The following RPL26L1 variants were observed in gnomAD, a reference collection of about 807,000 sequenced individuals.
RPL26L1 encodes ribosomal protein L26 like 1.
Under a neutral mutation model 15.2 loss-of-function variants are expected in RPL26L1, and 8 were observed. The observed-to-expected ratio is 0.53, with a 90% CI of 0.31 to 0.95. The LOEUF (loss-of-function observed/expected upper bound fraction) is 0.95. Ranked by LOEUF, RPL26L1 falls within the 40% of genes least tolerant of loss-of-function variation. The pLI, the probability that RPL26L1 is intolerant of heterozygous loss-of-function variation, is 0.05. For missense variants in RPL26L1, 146 were observed against 190.9 expected (o/e 0.76, Z 1.39); for synonymous variants, 51 against 65.9 (o/e 0.77, Z 1.09).
chr5:172,969,041 C>T (rs376230137), intron 3 of RPL26L1, among the ~76,000 whole-genome samples: 6 of 151,806 alleles, frequency 4.0e-5, no homozygotes, highest in South Asian at 2.1e-4. Context: ...CTCCTGACCT[C>T]GTGATCCGCC....
intron 2 of RPL26L1, among the ~76,000 whole-genome samples, chr5:172,962,682 G>A (rs900960501): frequency 4.0e-5 from 6 of 151,660 alleles, no homozygotes; most frequent in Non-Finnish European, 8.8e-5. Context: ...TGAGCGTGGT[G>A]GTGGGCGCCT....
intron 2 of RPL26L1, among the ~76,000 whole-genome samples, chr5:172,967,753 TATATATAC>T (rs1158039729): frequency 1.1e-4 from 17 of 151,388 alleles, no homozygotes; most frequent in African/African-American, 3.9e-4. Flanking sequence ...AATGTGTGTG[TATATATAC>T]ATATATACAC....
chr5:172,958,545 C>G, upstream of RPL26L1: 1 of 400,986 alleles, frequency 2.5e-6, no homozygotes, highest in South Asian at 1.7e-5. Context: ...CGAAGAGAGT[C>G]GAGACCCAGA....
chr5:172,959,285 C>A, upstream of RPL26L1: 1 of 749,888 alleles, frequency 1.3e-6, no homozygotes, highest in Non-Finnish European at 1.6e-6. Context: ...GGCCCTTGTA[C>A]TCACTGGCAT....
In RPL26L1 at chr5:172,962,255, C is replaced by T. The variant is rs189287756; in HGVS notation, c.168+2214C>T. 1.3e-3 allele frequency among the ~76,000 whole-genome samples: 197 copies of T among 152,304 alleles called. 1 individual carries two copies. The highest frequency in any genetic ancestry group is 1.7e-3 in the Non-Finnish European group (119 of 68,028). On this transcript the variant is annotated intron_variant, in intron 2 of 3. Coordinates refer to ENST00000265100, the MANE Select transcript of RPL26L1 (RefSeq NM_016093.4). The stretch of plus-strand genomic sequence containing the variant: ...GGCATGATGGCTCACGCCTGTAATC[C>T]TAGCAGTTTGGGAGGCCCAGGCGGG...
At chr5:172,959,702 A>G in intron 1 of RPL26L1, 163 bp from the exon 2 acceptor site, 2 of 1,082,238 alleles carry the variant, frequency 1.8e-6, no homozygotes, top group Non-Finnish European at 2.6e-6. Flanking sequence ...ACTTTATGTG[A>G]TAGTCAGACT....
intron 2 of RPL26L1, among the ~76,000 whole-genome samples, chr5:172,964,432 C>T (rs1190130605): frequency 6.6e-5 from 10 of 151,934 alleles, no homozygotes; most frequent in Non-Finnish European, 1.2e-4. Context: ...ATTACAGGCA[C>T]ACACCACCAT....
chr5:172,959,252 C>A, upstream of RPL26L1: 1 of 371,846 alleles, frequency 2.7e-6, no homozygotes, highest in Non-Finnish European at 3.7e-6. Flanking sequence ...CAGTAAGCCT[C>A]TACCGCAGGC....
At chr5:172,962,087 T>C (rs1026726325) in intron 2 of RPL26L1, among the ~76,000 whole-genome samples, 8 of 152,380 alleles carry the variant, frequency 5.3e-5, no homozygotes, top group African/African-American at 1.2e-4. Context: ...CAAGGCTTGT[T>C]GATTCTACCT....
At chr5:172,969,299 G>A in intron 3 of RPL26L1, 114 bp from the exon 4 acceptor site, 1 of 1,091,758 alleles carries the variant, frequency 9.2e-7, no homozygotes, top group Non-Finnish European at 1.3e-6. Context: ...TCCTTCCAGA[G>A]TTTCAGTTCC....
upstream of RPL26L1, chr5:172,957,631 A>G (rs997092375): frequency 4.1e-6 from 1 of 242,802 alleles, no homozygotes; most frequent in Non-Finnish European, 8.3e-6. Flanking sequence ...GAGTGAATGA[A>G]TGAGTGAATG....
Position 172,959,480 on chromosome 5 carries a change from C to T in RPL26L1, c.-10+12C>T. On this transcript the variant is annotated intron_variant, in intron 1 of 3. Coordinates refer to ENST00000265100, the MANE Select transcript of RPL26L1 (RefSeq NM_016093.4). ...CAGCTAGTAGCCGGGTGAGTGGAGGCTGGAGTTTTCTCGGACAGTGAACTC... is the reference window on the plus strand; with the variant it reads ...CAGCTAGTAGCCGGGTGAGTGGAGGTTGGAGTTTTCTCGGACAGTGAACTC... The T allele has an allele frequency of 9.8e-7, 1 of 1,024,234 alleles. No homozygotes were observed. Among genetic ancestry groups the T allele is most frequent in the South Asian group, 3.6e-5 (1 of 27,766 alleles). The allele number at this position is 1,024,234 out of a possible 1,614,324, so 63.4% of individuals were successfully genotyped here. A position where few individuals can be genotyped will look rare whatever the true frequency, so the allele number is the denominator to read the frequency against.
intron 2 of RPL26L1, among the ~76,000 whole-genome samples, chr5:172,963,437 A>T (rs911395827): frequency 5.9e-5 from 9 of 151,410 alleles, no homozygotes; most frequent in African/African-American, 1.9e-4. Context: ...ATCCTGGTCT[A>T]CTTCTCCATC....
intron 1 of RPL26L1, 93 bp from the exon 2 acceptor site, chr5:172,959,772 C>CT: frequency 7.1e-7 from 1 of 1,409,048 alleles, no homozygotes; most frequent in Non-Finnish European, 9.9e-7. Flanking sequence ...CCTGTAGAGC[C>CT]TTTGTTGGGG....
At position 172,959,443 on chromosome 5, in the gene RPL26L1, C is replaced by G; in HGVS notation, c.-35C>G. 3.0e-6 allele frequency: 3 copies of G among 1,001,272 alleles called. No individual in the cohort carries two copies. Among genetic ancestry groups the G allele is most frequent in the Non-Finnish European group, 3.6e-6 (3 of 837,364 alleles). 62.0% of individuals were successfully genotyped at this position (1,001,272 alleles called of 1,614,324 possible). A position where few individuals can be genotyped will look rare whatever the true frequency, so the allele number is the denominator to read the frequency against. ...AAACTCACTTCCGGCCCTGCGCACTCAGGGTCTGAGGCAGCTAGTAGCCGG... is the reference window on the plus strand; with the variant it reads ...AAACTCACTTCCGGCCCTGCGCACTGAGGGTCTGAGGCAGCTAGTAGCCGG... On this transcript the variant is annotated 5_prime_UTR_variant, in exon 1 of 4. Coordinates refer to ENST00000265100, the MANE Select transcript of RPL26L1 (RefSeq NM_016093.4).
upstream of RPL26L1, chr5:172,958,393 G>A (rs1434697956): frequency 2.2e-6 from 1 of 456,202 alleles, no homozygotes; most frequent in East Asian, 7.0e-5. Flanking sequence ...TGCTGTACTT[G>A]CAAGACATCT....
At chr5:172,956,675 C>T (rs1754986884), upstream of RPL26L1, among the ~76,000 whole-genome samples, 1 of 152,152 alleles carries the variant, frequency 6.6e-6, no homozygotes, top group South Asian at 2.1e-4. Context: ...TGGTGGCTCA[C>T]ATCTGTAATC....
chr5:172,966,039 A>C (rs1356804083), intron 2 of RPL26L1, among the ~76,000 whole-genome samples: 1 of 152,114 alleles, frequency 6.6e-6, no homozygotes, highest in Non-Finnish European at 1.5e-5. Flanking sequence ...TCACCTCTCC[A>C]GTCTAGTCGA....
chr5:172,962,230 G>A (rs753187077), intron 2 of RPL26L1, among the ~76,000 whole-genome samples: 6 of 152,164 alleles, frequency 3.9e-5, no homozygotes, highest in Non-Finnish European at 5.9e-5. Flanking sequence ...TGGCAGGCTG[G>A]GCATGATGGC....
Sources: gnomAD v4.1 joint callset for allele counts (sites outside exome capture counted in the v4.1 genomes callset) on GRCh38, gnomAD v4.1.1 for gene constraint, MANE v1.5 for transcripts, NCBI Gene and HGNC (gene_info 2026-07-23, HGNC 2026-07-21) for gene names.